The following ARL15 variants were observed in gnomAD, a reference collection of about 807,000 sequenced individuals.
The protein encoded by ARL15 is ADP-ribosylation factor-like protein 15.
Under a neutral mutation model 25.2 loss-of-function variants are expected in ARL15, and 19 were observed. The ratio of observed to expected loss-of-function variants is 0.75; its 90% CI spans 0.53 to 1.10. The LOEUF is 1.10. ARL15 is among the 50% of genes least tolerant of loss of function. The pLI is 0.00. For missense variants in ARL15, 220 were observed against 246.0 expected (o/e 0.89, Z 0.71); for synonymous variants, 94 against 86.8 (o/e 1.08, Z -0.46).
At position 54,198,097 on chromosome 5, in the gene ARL15, C is replaced by G. The variant is rs185419492; in HGVS notation, c.49-26169G>C. On this transcript the variant is annotated intron_variant, in intron 1 of 4. Transcript: ENST00000504924. ...AAGGCCTTTGACAAAATTCAACAACCCTTCATGTTAAAAACTCTCAATAAA... is the reference window on the plus strand; with the variant it reads ...AAGGCCTTTGACAAAATTCAACAACGCTTCATGTTAAAAACTCTCAATAAA... Among the ~76,000 whole-genome samples, 17 of 152,056 alleles carry G rather than the reference C, an allele frequency of 1.1e-4. 1 individual carries two copies. The South Asian group carries it at 1.7e-3, about 15-fold the overall frequency.
intron 3 of ARL15, among the ~76,000 whole-genome samples, chr5:54,122,760 A>ATC (rs1561232291): frequency 6.6e-6 from 1 of 152,210 alleles, no homozygotes; most frequent in Non-Finnish European, 1.5e-5. Flanking sequence ...TCTAAGCACA[A>ATC]AATGGGCTTT....
intron 3 of ARL15, among the ~76,000 whole-genome samples, chr5:54,118,272 A>G (rs149175127): frequency 6.6e-6 from 1 of 152,284 alleles, no homozygotes; most frequent in Non-Finnish European, 1.5e-5. Flanking sequence ...TCTATGTGAG[A>G]CTAGACTTTC....
At chr5:53,889,160 C>T (rs1413539169) in intron 4 of ARL15, among the ~76,000 whole-genome samples, 1 of 151,848 alleles carries the variant, frequency 6.6e-6, no homozygotes, top group Non-Finnish European at 1.5e-5. Context: ...AATAGGAAGG[C>T]ATCTCATTAA....
At chr5:53,913,426 A>G (rs1481531257) in intron 4 of ARL15, among the ~76,000 whole-genome samples, 3 of 152,100 alleles carry the variant, frequency 2.0e-5, no homozygotes, top group Non-Finnish European at 4.4e-5. Flanking sequence ...TGCCCAAGAC[A>G]TTTCTTTCTC....
chr5:54,036,108 C>G (rs964353543), intron 4 of ARL15, among the ~76,000 whole-genome samples: 24 of 151,316 alleles, frequency 1.6e-4, no homozygotes, highest in Non-Finnish European at 2.9e-5. Flanking sequence ...TAAGATCACA[C>G]CAATGCACTC....
At chr5:54,158,827 C>T (rs1472054274) in intron 2 of ARL15, among the ~76,000 whole-genome samples, 1 of 152,166 alleles carries the variant, frequency 6.6e-6, no homozygotes, top group African/African-American at 2.4e-5. Context: ...GAGCCGAGAT[C>T]AGGCCACTGC....
intron 1 of ARL15, among the ~76,000 whole-genome samples, chr5:54,243,846 G>C (rs1164814599): frequency 6.6e-6 from 1 of 152,150 alleles, no homozygotes; most frequent in Admixed American, 6.5e-5. Context: ...TTAAGATCTA[G>C]AGATTTCACA....
At chr5:54,125,149 T>C (rs2112257412) in intron 3 of ARL15, among the ~76,000 whole-genome samples, 1 of 148,868 alleles carries the variant, frequency 6.7e-6, no homozygotes, top group South Asian at 2.2e-4. Flanking sequence ...TTCTCCTGCC[T>C]CAGCCTCCTG....
intron 4 of ARL15, among the ~76,000 whole-genome samples, chr5:53,983,145 T>C (rs926619458): frequency 9.9e-5 from 15 of 152,160 alleles, no homozygotes; most frequent in Non-Finnish European, 1.9e-4. Flanking sequence ...ATGTAGATAA[T>C]AAACAGCGGT....
At chr5:53,964,428 C>T (rs755988299) in intron 4 of ARL15, among the ~76,000 whole-genome samples, 81 of 152,142 alleles carry the variant, frequency 5.3e-4, no homozygotes, top group South Asian at 8.3e-4. Context: ...GGCGTGATCT[C>T]GGCTCACTGC....
intron 1 of ARL15, among the ~76,000 whole-genome samples, chr5:54,246,040 G>A (rs773054992): frequency 1.3e-5 from 2 of 152,100 alleles, no homozygotes; most frequent in Non-Finnish European, 2.9e-5. Context: ...CCCAGGGGAA[G>A]TGTCATTGAT....
At chr5:54,007,963 T>G (rs1482371729) in intron 4 of ARL15, among the ~76,000 whole-genome samples, 4 of 152,168 alleles carry the variant, frequency 2.6e-5, no homozygotes, top group African/African-American at 9.7e-5. Context: ...ACTCAGACCT[T>G]CAATACATCT....
At chr5:53,940,056 G>T (rs1187952953) in intron 4 of ARL15, among the ~76,000 whole-genome samples, 1 of 150,000 alleles carries the variant, frequency 6.7e-6, no homozygotes, top group Non-Finnish European at 1.5e-5. Context: ...TCGGCTCACT[G>T]CAAGCTCCGC....
chr5:53,971,289 A>C (rs1205438207), intron 4 of ARL15, among the ~76,000 whole-genome samples: 57 of 152,182 alleles, frequency 3.7e-4, no homozygotes, highest in Admixed American at 3.7e-3. Context: ...CAGCTGGAAA[A>C]GATGTTGATT....
At chr5:53,911,421 C>T (rs1745460039) in intron 4 of ARL15, among the ~76,000 whole-genome samples, 1 of 151,952 alleles carries the variant, frequency 6.6e-6, no homozygotes, top group Admixed American at 6.6e-5. Flanking sequence ...TCCCCCATGA[C>T]TGTGATATTT....
At chr5:54,269,700 C>T (rs10072882) in intron 1 of ARL15, among the ~76,000 whole-genome samples, 4,869 of 152,212 alleles carry the variant, frequency 0.032, 154 homozygotes, top group African/African-American at 0.081. Context: ...GGCTGGAGTG[C>T]GGTGGCGCGA....
chr5:54,234,393 C>G (rs961586390), intron 1 of ARL15, among the ~76,000 whole-genome samples: 11 of 151,930 alleles, frequency 7.2e-5, no homozygotes, highest in African/African-American at 2.7e-4. Context: ...TATTTGGGAG[C>G]CTTAATAATT....
rs184203761 is a variant in ARL15 at position 53,996,021 on chromosome 5, T to C, written c.463-109308A>G. On this transcript the variant is annotated intron_variant, in intron 4 of 4. Transcript: ENST00000504924. ...TTACTTCCTTGTCTTTCAGTTTATTTGTAAAAGGTTTGTCTCCTGGGGGTT... is the reference window on the plus strand; with the variant it reads ...TTACTTCCTTGTCTTTCAGTTTATTCGTAAAAGGTTTGTCTCCTGGGGGTT... Among the ~76,000 whole-genome samples, 29 of 152,358 alleles carry C rather than the reference T, an allele frequency of 1.9e-4. No individual in the cohort carries two copies. The East Asian group carries it at 4.8e-3, about 25-fold the overall frequency.
chr5:53,914,171 T>C (rs1745556482), intron 4 of ARL15, among the ~76,000 whole-genome samples: 1 of 150,064 alleles, frequency 6.7e-6, no homozygotes, highest in African/African-American at 2.5e-5. Flanking sequence ...ACACACTTTA[T>C]AGTTCTGTAT....
Sources: gnomAD v4.1 joint callset for allele counts (sites outside exome capture counted in the v4.1 genomes callset) on GRCh38, gnomAD v4.1.1 for gene constraint, MANE v1.5 for transcripts, NCBI Gene and HGNC (gene_info 2026-07-23, HGNC 2026-07-21) for gene names.